The following ENTREP2 variants were observed in gnomAD, a reference collection of about 807,000 sequenced individuals.
The protein encoded by ENTREP2 is protein ENTREP2.
At chr15:29,447,968 A>G in the ENTREP2 span, among the ~76,000 whole-genome samples, 1 of 152,096 alleles carries the variant, frequency 6.6e-6, no homozygotes, top group Non-Finnish European at 1.5e-5. Flanking sequence ...TGGGAGGCTA[A>G]GGCAGGAGAA....
the ENTREP2 span, among the ~76,000 whole-genome samples, chr15:29,174,999 G>T: frequency 6.6e-6 from 1 of 152,194 alleles, no homozygotes; most frequent in African/African-American, 2.4e-5. Context: ...TAAACATGTT[G>T]TGATTTTTGG....
the ENTREP2 span, among the ~76,000 whole-genome samples, chr15:29,369,685 A>C: frequency 7.9e-5 from 12 of 152,216 alleles, no homozygotes; most frequent in African/African-American, 2.7e-4. Context: ...AAAAAGCATG[A>C]TTAAAGATAA....
chr15:29,447,426 TCTGA>T, the ENTREP2 span, among the ~76,000 whole-genome samples: 1 of 152,212 alleles, frequency 6.6e-6, no homozygotes, highest in Admixed American at 6.5e-5. Context: ...CTCCTGTGTG[TCTGA>T]CTGGGCTAGT....
the ENTREP2 span, among the ~76,000 whole-genome samples, chr15:29,622,198 T>TTATTC: frequency 1.3e-5 from 2 of 148,414 alleles, no homozygotes; most frequent in African/African-American, 5.2e-5. Flanking sequence ...TTAAAATAGT[T>TTATTC]TATTTTATTT....
the ENTREP2 span, among the ~76,000 whole-genome samples, chr15:29,172,678 C>T: frequency 0.058 from 8,857 of 152,162 alleles, 888 homozygotes; most frequent in African/African-American, 0.2. Context: ...GGAAATGCCA[C>T]GGATGTGGTT....
chr15:29,395,669 A>C, the ENTREP2 span, among the ~76,000 whole-genome samples: 1 of 151,668 alleles, frequency 6.6e-6, no homozygotes, highest in Non-Finnish European at 1.5e-5. Context: ...TTGGGACTAC[A>C]GGTGCATGCC....
chr15:29,350,638 AATT>A, the ENTREP2 span, among the ~76,000 whole-genome samples: 1 of 152,282 alleles, frequency 6.6e-6, no homozygotes, highest in South Asian at 2.1e-4. Flanking sequence ...GTTTTGCAAT[AATT>A]ATTAATATTT....
the ENTREP2 span, among the ~76,000 whole-genome samples, chr15:29,170,373 A>G: frequency 6.6e-6 from 1 of 152,018 alleles, no homozygotes; most frequent in Admixed American, 6.6e-5. Flanking sequence ...AACAGCAAGT[A>G]TAAGTTTTTT....
the ENTREP2 span, among the ~76,000 whole-genome samples, chr15:29,373,403 T>C: frequency 6.6e-6 from 1 of 152,070 alleles, no homozygotes; most frequent in African/African-American, 2.4e-5. Flanking sequence ...CCTAATGAGA[T>C]AGGGGAGCAA....
chr15:29,539,062 G>C, the ENTREP2 span, among the ~76,000 whole-genome samples: 1 of 152,112 alleles, frequency 6.6e-6, no homozygotes, highest in Non-Finnish European at 1.5e-5. Context: ...ATATGACAAG[G>C]GGTGGTGAGG....
chr15:29,160,591 C>A, the ENTREP2 span, among the ~76,000 whole-genome samples: 1 of 151,688 alleles, frequency 6.6e-6, no homozygotes, highest in Non-Finnish European at 1.5e-5. Context: ...CACCTGTAAT[C>A]CCAGCTACTC....
At chr15:29,589,663 C>T in the ENTREP2 span, among the ~76,000 whole-genome samples, 3 of 152,178 alleles carry the variant, frequency 2.0e-5, no homozygotes, top group East Asian at 1.9e-4. Flanking sequence ...CTGCCTGCCC[C>T]GCTGCGGATT....
chr15:29,326,596 T>C, the ENTREP2 span, among the ~76,000 whole-genome samples: 5 of 152,146 alleles, frequency 3.3e-5, no homozygotes, highest in African/African-American at 9.7e-5. Flanking sequence ...AGATATTCCA[T>C]GTTCATGGAC....
chr15:29,526,640 T>A, the ENTREP2 span, among the ~76,000 whole-genome samples: 29 of 149,102 alleles, frequency 1.9e-4, no homozygotes, highest in African/African-American at 7.1e-4. Context: ...ATAAAAAAAT[T>A]TTTTTTTTTT....
the ENTREP2 span, chr15:29,269,518 G>A: frequency 2.5e-6 from 4 of 1,584,854 alleles, no homozygotes; most frequent in Non-Finnish European, 3.4e-6. Context: ...CTGAGGCGAG[G>A]GGCCCTGCGA....
the ENTREP2 span, among the ~76,000 whole-genome samples, chr15:29,281,815 C>G: frequency 6.6e-6 from 1 of 152,206 alleles, no homozygotes; most frequent in South Asian, 2.1e-4. Flanking sequence ...CAGACTTCAC[C>G]TGGTGAAGCC....
the ENTREP2 span, chr15:29,381,770 C>T: frequency 6.4e-7 from 1 of 1,551,226 alleles, no homozygotes; most frequent in Non-Finnish European, 8.7e-7. Context: ...GCAGGTGCCA[C>T]TTACCACAAG....
chr15:29,464,512 C>G, the ENTREP2 span, among the ~76,000 whole-genome samples: 171 of 152,306 alleles, frequency 1.1e-3, no homozygotes, highest in African/African-American at 3.8e-3. Context: ...ATGTCAATCA[C>G]AGGCCAGATC....
chr15:29,284,571 A>C, the ENTREP2 span, among the ~76,000 whole-genome samples: 1,374 of 138,304 alleles, frequency 9.9e-3, 30 homozygotes, highest in South Asian at 0.071. Flanking sequence ...AAAAAAAAAA[A>C]AACCAAAAAT....
Sources: allele counts gnomAD v4.1 joint callset (sites outside exome capture counted in the v4.1 genomes callset), GRCh38; gene constraint gnomAD v4.1.1; transcripts MANE v1.5; gene names NCBI Gene and HGNC (gene_info 2026-07-23, HGNC 2026-07-21).